The following FYB2 variants were observed in gnomAD, a reference collection of about 807,000 sequenced individuals.
FYB2 encodes FYN-binding protein 2.
Under a neutral mutation model 94.1 loss-of-function variants are expected in FYB2, and 103 were observed. The observed-to-expected ratio is 1.09, with a 90% confidence interval of 0.93 to 1.29. The LOEUF is 1.29. Ranked by LOEUF, FYB2 falls within the 50% of genes most tolerant of loss-of-function variation. The pLI, the probability that FYB2 is intolerant of heterozygous loss-of-function variation, is 0.00. For synonymous variants in FYB2, 293 were observed against 287.9 expected (o/e 1.02, Z -0.18); for missense variants, 896 against 841.5 (o/e 1.06, Z -0.80).
At position 56,751,179 on chromosome 1, in the gene FYB2, C is replaced by A; in HGVS notation, c.1252G>T (p.Glu418Ter). The A allele has an allele frequency of 6.2e-7, 1 of 1,612,548 alleles. No homozygotes were observed. The highest frequency in any genetic ancestry group is 1.1e-5 in the South Asian group (1 of 91,048). ...FKVDACEGTP[E>*]KIQMTNVHTG... ...TGGACGTTGGTCATCTGAATTTTTT[C>A]AGGTGTCCCTTCACAGGCATCTACC... The change falls in exon 9 of 20, where the codon GAA (glutamate) becomes TAA (stop). Residue 418 changes from glutamate (E) to a stop codon, truncating the protein, a stop_gained. Transcript: ENST00000343433. LOFTEE classifies it high-confidence loss of function.
At chr1:56,795,020 G>A (rs1646362617) in intron 1 of FYB2, among the ~76,000 whole-genome samples, 1 of 151,266 alleles carries the variant, frequency 6.6e-6, no homozygotes, top group Non-Finnish European at 1.5e-5. Context: ...CTGCCAAACT[G>A]TACACTTAGA....
Position 56,753,908 on chromosome 1 carries a change from C to A in FYB2, c.1158G>T (p.Lys386Asn), listed in dbSNP as rs776772052. Residue 386 changes from lysine to asparagine, a missense_variant, in exon 8 of 20, where the codon AAG (lysine) becomes AAT (asparagine). Coordinates refer to ENST00000343433, the MANE Select transcript of FYB2 (RefSeq NM_001004303.5). ...PSAKHEDKKMKEKQPCELKPK... is the reference protein window; with the variant it reads ...PSAKHEDKKMNEKQPCELKPK... ...GTTTCAATTCACATGGTTGTTTTTC[C>A]TTCATTTTTTTATCTTCATGTTTAG... The A allele has an allele frequency of 3.5e-5, 56 of 1,610,106 alleles. No homozygotes were observed. The highest frequency in any genetic ancestry group is 4.6e-5 in the Non-Finnish European group (54 of 1,177,372).
At chr1:56,791,329 C>A (rs185160410) in intron 2 of FYB2, among the ~76,000 whole-genome samples, 46 of 151,338 alleles carry the variant, frequency 3.0e-4, no homozygotes, top group Non-Finnish European at 5.6e-4. Flanking sequence ...AATTTTGGCT[C>A]ACTACAACCT....
At chr1:56,798,215 A>G (rs1222076322) in intron 1 of FYB2, among the ~76,000 whole-genome samples, 1 of 152,216 alleles carries the variant, frequency 6.6e-6, no homozygotes, top group Non-Finnish European at 1.5e-5. Context: ...GCAGATTAGA[A>G]TGCCCATGGA....
At chr1:56,803,075 C>T (rs1646558302) in intron 1 of FYB2, among the ~76,000 whole-genome samples, 1 of 152,118 alleles carries the variant, frequency 6.6e-6, no homozygotes, top group African/African-American at 2.4e-5. Context: ...CAATTTAGGT[C>T]TACAATCCTT....
intron 1 of FYB2, among the ~76,000 whole-genome samples, chr1:56,817,972 C>T (rs1258228332): frequency 1.3e-5 from 2 of 152,292 alleles, no homozygotes; most frequent in South Asian, 2.1e-4. Context: ...TCAGTTACCT[C>T]ATCTACAATA....
chr1:56,766,911 C>T (rs1570069735), intron 5 of FYB2, among the ~76,000 whole-genome samples: 1 of 152,150 alleles, frequency 6.6e-6, no homozygotes, highest in Non-Finnish European at 1.5e-5. Flanking sequence ...GCCAAACTTC[C>T]TTGAATAAGA....
intron 15 of FYB2, 140 bp from the exon 16 acceptor site, chr1:56,726,723 C>T: frequency 1.4e-6 from 1 of 693,750 alleles, no homozygotes; most frequent in African/African-American, 1.8e-5. Flanking sequence ...CATGGAAAGG[C>T]CATATAATAA....
chr1:56,825,054 G>A, the FYB2 span: 1 of 152,256 alleles, frequency 6.6e-6, no homozygotes, highest in Admixed American at 6.5e-5. Flanking sequence ...CAAGCCACAG[G>A]GGAACAATCT....
At chr1:56,730,266 C>T (rs950971317) in intron 15 of FYB2, among the ~76,000 whole-genome samples, 2 of 126,168 alleles carry the variant, frequency 1.6e-5, no homozygotes, top group Non-Finnish European at 3.2e-5. Context: ...ACAAAATTGA[C>T]AAACCATTAC....
intron 15 of FYB2, among the ~76,000 whole-genome samples, chr1:56,732,723 G>C (rs1050637505): frequency 6.6e-6 from 1 of 152,016 alleles, no homozygotes; most frequent in African/African-American, 2.4e-5. Context: ...AACACTCAAT[G>C]GGGGAAGTAC....
At chr1:56,758,306 C>A (rs1449895775) in intron 6 of FYB2, among the ~76,000 whole-genome samples, 1 of 151,992 alleles carries the variant, frequency 6.6e-6, no homozygotes, top group East Asian at 1.9e-4. Context: ...TGCTTGGGCC[C>A]TAATCAGGTT....
At chr1:56,767,751 A>G in intron 5 of FYB2, 78 bp downstream of exon 5, 1 of 1,108,238 alleles carries the variant, frequency 9.0e-7, no homozygotes, top group Non-Finnish European at 1.3e-6. Flanking sequence ...ACTTACAGTT[A>G]GCTAAAGGGA....
intron 1 of FYB2, among the ~76,000 whole-genome samples, chr1:56,794,023 A>G (rs567497636): frequency 6.6e-6 from 1 of 152,344 alleles, no homozygotes; most frequent in East Asian, 1.9e-4. Flanking sequence ...TATAAGTGAA[A>G]TGTCCATTAC....
rs975262134 is a variant in FYB2 at position 56,719,503 on chromosome 1, A to G, written c.*168T>C. ...TTTTAGGAGTAAAACCAACATCTAAATGTTGAGGATTTGTTTTTATTTTTC... is the reference window on the plus strand; with the variant it reads ...TTTTAGGAGTAAAACCAACATCTAAGTGTTGAGGATTTGTTTTTATTTTTC... On this transcript the variant is annotated 3_prime_UTR_variant, in exon 20 of 20. Transcript: ENST00000343433. 1.7e-6 allele frequency: 1 copy of G among 584,984 alleles called. No homozygotes were observed. The allele number at this position is 584,984 out of a possible 1,614,324, so 36.2% of individuals were successfully genotyped here.
At chr1:56,733,790 AT>A (rs947708526) in intron 15 of FYB2, among the ~76,000 whole-genome samples, 3 of 152,070 alleles carry the variant, frequency 2.0e-5, no homozygotes, top group African/African-American at 7.2e-5. Context: ...GTTTGTTATG[AT>A]TTCTGTTCTT....
chr1:56,783,224 T>G (rs1298274505), intron 4 of FYB2, among the ~76,000 whole-genome samples: 1 of 152,194 alleles, frequency 6.6e-6, no homozygotes, highest in Non-Finnish European at 1.5e-5. Flanking sequence ...ATAAAGTAAA[T>G]AATAATATTG....
chr1:56,745,050 A>C (rs564305377), intron 9 of FYB2, among the ~76,000 whole-genome samples: 3 of 152,210 alleles, frequency 2.0e-5, no homozygotes, highest in Admixed American at 2.0e-4. Context: ...GTGAGCGTGT[A>C]GGCCCCAAAC....
chr1:56,814,247 A>G (rs1331491668), intron 1 of FYB2, among the ~76,000 whole-genome samples: 1 of 152,224 alleles, frequency 6.6e-6, no homozygotes, highest in Non-Finnish European at 1.5e-5. Flanking sequence ...CAGGCACCAG[A>G]GTGCCTCGGC....
Sources: allele counts gnomAD v4.1 joint callset (sites outside exome capture counted in the v4.1 genomes callset), GRCh38; gene constraint gnomAD v4.1.1; transcripts MANE v1.5; gene names NCBI Gene and HGNC (gene_info 2026-07-23, HGNC 2026-07-21).